NEGR1: variants seen among roughly 807,000 people sequenced by gnomAD.
The protein encoded by NEGR1 is neuronal growth regulator 1.
In NEGR1, 10 loss-of-function variants were observed where a neutral mutation model predicts 40.9. The observed-to-expected ratio is 0.24, with a 90% confidence interval of 0.15 to 0.42. The LOEUF is 0.42. Among genes scored for constraint, NEGR1 ranks in the 10% least tolerant of loss-of-function variants. The pLI, the probability that NEGR1 is intolerant of heterozygous loss-of-function variation, is 1.00. For synonymous variants in NEGR1, 185 were observed against 166.8 expected, an observed-to-expected ratio of 1.11 and a Z score of -0.84; for missense variants, 352 against 438.9, an observed-to-expected ratio of 0.80 and a Z score of 1.77.
intron 2 of NEGR1, among the ~76,000 whole-genome samples, chr1:71,794,958 AC>A (rs1361754555): frequency 6.6e-6 from 1 of 152,082 alleles, no homozygotes; most frequent in Non-Finnish European, 1.5e-5. Flanking sequence ...AAAAGGGGAA[AC>A]TTTAATGGCC....
chr1:72,173,299 C>T (rs1652032429), intron 1 of NEGR1, among the ~76,000 whole-genome samples: 2 of 124,754 alleles, frequency 1.6e-5, no homozygotes, highest in Non-Finnish European at 3.5e-5. Context: ...TGAGCCACCA[C>T]ACCAGCCTGA....
Position 71,397,429 on chromosome 1 carries a change from C to T in NEGR1, c.*10017G>A. ...GCAACCTCTGCCTCCTGGGTTCAAG[C>T]AATTCTTCTGCTTCAGCCTCCCAAG... On this transcript the variant is annotated 3_prime_UTR_variant, in exon 7 of 7. Coordinates refer to ENST00000357731, the MANE Select transcript of NEGR1 (RefSeq NM_173808.3). The T allele has an allele frequency of 6.5e-6, 1 of 152,724 alleles. No individual in the cohort carries two copies. The highest frequency in any genetic ancestry group is 3.3e-3 in the Middle Eastern group (1 of 302). 9.5% of individuals were successfully genotyped at this position (152,724 alleles called of 1,614,324 possible). A position where few individuals can be genotyped will look rare whatever the true frequency, so the allele number is the denominator to read the frequency against.
chr1:71,639,743 G>A (rs1383514647), intron 4 of NEGR1, among the ~76,000 whole-genome samples: 1 of 152,032 alleles, frequency 6.6e-6, no homozygotes, highest in East Asian at 1.9e-4. Context: ...ATGGGCACAT[G>A]TCATTAGTGC....
At chr1:72,251,030 C>T (rs991517689) in intron 1 of NEGR1, among the ~76,000 whole-genome samples, 2 of 152,080 alleles carry the variant, frequency 1.3e-5, no homozygotes, top group African/African-American at 4.8e-5. Context: ...TTGTAGGGAA[C>T]CCCCAGTCGA....
chr1:71,688,606 G>A lies in NEGR1; in HGVS notation c.667+9402C>T, dbSNP rs1017198242. ...CAAGTAGCTGGGATTACAGGTGCACGCCACCATGCCCAACTAATTTTTGTA... is the reference window on the plus strand; with the variant it reads ...CAAGTAGCTGGGATTACAGGTGCACACCACCATGCCCAACTAATTTTTGTA... On this transcript the variant is annotated intron_variant, in intron 4 of 6. Transcript: ENST00000357731. Among the ~76,000 whole-genome samples the A allele has an allele frequency of 4.6e-5, 7 of 151,210 alleles. No homozygotes were observed. The East Asian group carries it at 5.9e-4, about 13-fold the overall frequency.
chr1:72,024,990 G>A (rs1198535164), intron 1 of NEGR1, among the ~76,000 whole-genome samples: 1 of 152,122 alleles, frequency 6.6e-6, no homozygotes, highest in Non-Finnish European at 1.5e-5. Flanking sequence ...TTGTGCAAAT[G>A]TACCTATTCA....
intron 2 of NEGR1, among the ~76,000 whole-genome samples, chr1:71,849,648 T>C (rs1368175430): frequency 6.6e-6 from 1 of 152,158 alleles, no homozygotes; most frequent in Non-Finnish European, 1.5e-5. Context: ...TAGAGAAATA[T>C]GTTGTGAAAG....
chr1:72,261,474 T>G (rs1019692779), intron 1 of NEGR1, among the ~76,000 whole-genome samples: 1 of 152,104 alleles, frequency 6.6e-6, no homozygotes, highest in Non-Finnish European at 1.5e-5. Flanking sequence ...ATATATTTGT[T>G]AACACTATAG....
intron 1 of NEGR1, among the ~76,000 whole-genome samples, chr1:72,085,203 G>A (rs1648166391): frequency 6.6e-6 from 1 of 151,902 alleles, no homozygotes; most frequent in Non-Finnish European, 1.5e-5. Context: ...CATAATTATG[G>A]GTATATGCGC....
intron 3 of NEGR1, among the ~76,000 whole-genome samples, chr1:71,750,412 A>G (rs535296801): frequency 7.2e-4 from 110 of 152,322 alleles, no homozygotes; most frequent in Non-Finnish European, 9.0e-4. Flanking sequence ...GTATATATGT[A>G]TTAGTCTGTT....
intron 1 of NEGR1, among the ~76,000 whole-genome samples, chr1:72,208,157 A>G (rs1653477527): frequency 1.3e-5 from 2 of 151,680 alleles, no homozygotes; most frequent in South Asian, 4.1e-4. Context: ...GAATAGAATG[A>G]ATATACATAT....
chr1:72,209,712 G>C (rs139365378), intron 1 of NEGR1, among the ~76,000 whole-genome samples: 4 of 151,796 alleles, frequency 2.6e-5, no homozygotes, highest in African/African-American at 9.6e-5. Context: ...GTCTTTCAAA[G>C]TAAATATTGA....
At chr1:72,231,627 G>C (rs965585721) in intron 1 of NEGR1, among the ~76,000 whole-genome samples, 2 of 152,026 alleles carry the variant, frequency 1.3e-5, no homozygotes, top group Non-Finnish European at 1.5e-5. Flanking sequence ...TTTCCCCAAT[G>C]ACTTTGTAAT....
intron 1 of NEGR1, among the ~76,000 whole-genome samples, chr1:72,022,861 G>C (rs898602179): frequency 6.6e-6 from 1 of 152,100 alleles, no homozygotes; most frequent in African/African-American, 2.4e-5. Context: ...GTTTGGCAAG[G>C]TTGCTGTATA....
At chr1:72,185,287 T>C (rs936145409) in intron 1 of NEGR1, among the ~76,000 whole-genome samples, 1 of 152,004 alleles carries the variant, frequency 6.6e-6, no homozygotes, top group African/African-American at 2.4e-5. Context: ...AATTAAATTA[T>C]GCAGTCTTTC....
chr1:71,862,572 T>C (rs1406890590), intron 2 of NEGR1, among the ~76,000 whole-genome samples: 1 of 152,102 alleles, frequency 6.6e-6, no homozygotes, highest in African/African-American at 2.4e-5. Flanking sequence ...TCCTCTCCAT[T>C]CTGTGTATTG....
intron 3 of NEGR1, among the ~76,000 whole-genome samples, chr1:71,753,772 G>A (rs757032305): frequency 2.2e-4 from 33 of 152,180 alleles, no homozygotes; most frequent in Non-Finnish European, 4.1e-4. Flanking sequence ...TTAACTCTGC[G>A]AATCCAACAT....
At chr1:72,272,939 C>T (rs1423081718) in intron 1 of NEGR1, among the ~76,000 whole-genome samples, 1 of 151,772 alleles carries the variant, frequency 6.6e-6, no homozygotes, top group Non-Finnish European at 1.5e-5. Context: ...CAAATTCCTC[C>T]TTTCCTCTAT....
intron 2 of NEGR1, among the ~76,000 whole-genome samples, chr1:71,852,080 C>A (rs1659621127): frequency 6.6e-6 from 1 of 152,158 alleles, no homozygotes; most frequent in African/African-American, 2.4e-5. Context: ...TACTGACAAA[C>A]ATTTAAACTG....
Sources: gnomAD v4.1 joint callset for allele counts (sites outside exome capture counted in the v4.1 genomes callset) on GRCh38, gnomAD v4.1.1 for gene constraint, MANE v1.5 for transcripts, NCBI Gene and HGNC (gene_info 2026-07-23, HGNC 2026-07-21) for gene names.